TNFSF8: variants seen among roughly 807,000 people sequenced by gnomAD.
TNFSF8 encodes the protein TNF superfamily member 8, also known as tumor necrosis factor ligand superfamily member 8.
Under a neutral mutation model 22.0 loss-of-function variants are expected in TNFSF8, and 4 were observed. The ratio of observed to expected loss-of-function variants is 0.18; its 90% CI spans 0.09 to 0.42. The LOEUF is 0.42. TNFSF8 is among the 10% of genes least tolerant of loss of function. The probability of loss-of-function intolerance (pLI) is 1.00; values close to 1 mark genes in which losing one functional copy is unlikely to be tolerated. For synonymous variants in TNFSF8, 106 were observed against 112.5 expected (o/e 0.94, Z 0.37); for missense variants, 233 against 281.8 (o/e 0.83, Z 1.24).
chr9:114,899,443 G>A (rs1420351395), downstream of TNFSF8, among the ~76,000 whole-genome samples: 1 of 150,040 alleles, frequency 6.7e-6, no homozygotes, highest in Non-Finnish European at 1.5e-5. Flanking sequence ...ACTATACATT[G>A]AGTGACAATC....
At chr9:114,893,916 T>C (rs1446248309) in exon 5 of TNFSF8, 3 of 594,706 alleles carry the variant, frequency 5.0e-6, no homozygotes, top group East Asian at 5.7e-5. Context: ...TTCCAAATCA[T>C]GGACAGGTCT....
At chr9:114,909,335 G>A (rs547580597) in intron 2 of TNFSF8, among the ~76,000 whole-genome samples, 2 of 152,292 alleles carry the variant, frequency 1.3e-5, no homozygotes, top group East Asian at 3.9e-4. Flanking sequence ...TGGGAGCAGA[G>A]GGAGCAAAAA....
At chr9:114,919,071 A>G (rs1019730801) in intron 1 of TNFSF8, among the ~76,000 whole-genome samples, 4 of 150,542 alleles carry the variant, frequency 2.7e-5, no homozygotes, top group Non-Finnish European at 5.9e-5. Context: ...TTGTAAACAT[A>G]CCTGGGAAGG....
intron 2 of TNFSF8, among the ~76,000 whole-genome samples, chr9:114,908,639 A>G (rs539316040): frequency 1.4e-5 from 2 of 138,302 alleles, no homozygotes; most frequent in Admixed American, 1.4e-4. Context: ...GAGAAACCCG[A>G]GGATGGAAAA....
chr9:114,921,459 T>C (rs1189960582), intron 1 of TNFSF8, among the ~76,000 whole-genome samples: 1 of 152,242 alleles, frequency 6.6e-6, no homozygotes, highest in African/African-American at 2.4e-5. Context: ...GGAGAGATGC[T>C]GTTTCCAGAA....
chr9:114,923,759 C>T (rs569569127), intron 1 of TNFSF8, among the ~76,000 whole-genome samples: 7 of 152,228 alleles, frequency 4.6e-5, no homozygotes, highest in Admixed American at 1.3e-4. Flanking sequence ...CTCAAGTGAT[C>T]CACACACCTT....
At chr9:114,925,454 C>G (rs1392898275) in intron 1 of TNFSF8, among the ~76,000 whole-genome samples, 2 of 152,178 alleles carry the variant, frequency 1.3e-5, no homozygotes, top group Admixed American at 6.5e-5. Flanking sequence ...AGGTTGACCA[C>G]TCCTGGACTC....
Position 114,903,929 on chromosome 9 carries a change from G to C in TNFSF8, c.*2C>G, listed in dbSNP as rs1226480604. ...TTCTTCCTGAAGGCCAAGAGAAACT[G>C]TTCAGTCTGAATTACTGTATAAGAA... On this transcript the variant is annotated 3_prime_UTR_variant, in exon 4 of 4. Transcript: ENST00000223795. 6.3e-7 allele frequency: 1 copy of C among 1,583,180 alleles called. No individual in the cohort carries two copies. The highest frequency in any genetic ancestry group is 8.7e-7 in the Non-Finnish European group (1 of 1,155,466).
At position 114,901,681 on chromosome 9, in the gene TNFSF8, G is replaced by A. The variant is rs1194256945; in HGVS notation, c.*2250C>T. The A allele has an allele frequency of 1.1e-5, 11 of 985,230 alleles. No homozygotes were observed. Among genetic ancestry groups the A allele is most frequent in the African/African-American group, 1.7e-5 (1 of 57,204 alleles). The allele number at this position is 985,230 out of a possible 1,614,324, so 61.0% of individuals were successfully genotyped here. On this transcript the variant is annotated 3_prime_UTR_variant, in exon 4 of 4. Transcript: ENST00000223795. ...AGCCTTGAGTCTCAAAGTCTGTTTT[G>A]TTTTTTACCACAGACCATTTGGCTT...
chr9:114,915,436 C>T (rs1456984326), intron 2 of TNFSF8, among the ~76,000 whole-genome samples: 1 of 152,084 alleles, frequency 6.6e-6, no homozygotes, highest in East Asian at 1.9e-4. Context: ...TTTTTTCTAC[C>T]TCACCCTACT....
downstream of TNFSF8, among the ~76,000 whole-genome samples, chr9:114,900,920 T>A (rs771494110): frequency 6.6e-6 from 1 of 152,162 alleles, no homozygotes; most frequent in Non-Finnish European, 1.5e-5. Flanking sequence ...AAGGGGAGGC[T>A]GCAGTGAGCC....
At chr9:114,925,392 A>G (rs1828044894) in intron 1 of TNFSF8, among the ~76,000 whole-genome samples, 1 of 152,124 alleles carries the variant, frequency 6.6e-6, no homozygotes, top group South Asian at 2.1e-4. Flanking sequence ...CCCATGTTCC[A>G]CGGGATGGGC....
At chr9:114,893,750 A>T (rs1827628352) in exon 5 of TNFSF8, 1 of 241,216 alleles carries the variant, frequency 4.1e-6, no homozygotes, top group African/African-American at 2.3e-5. Context: ...ACAGCCTGAG[A>T]GGTGGGAGTG....
At chr9:114,915,080 C>A (rs138687284) in intron 2 of TNFSF8, among the ~76,000 whole-genome samples, 127 of 152,256 alleles carry the variant, frequency 8.3e-4, no homozygotes, top group African/African-American at 2.7e-3. Context: ...TAGTGACAAA[C>A]CACATGCTGC....
chr9:114,909,390 G>C (rs1361232088), intron 2 of TNFSF8, among the ~76,000 whole-genome samples: 1 of 152,314 alleles, frequency 6.6e-6, no homozygotes, highest in South Asian at 2.1e-4. Flanking sequence ...GCATCAGAGT[G>C]GGGGAAGTGA....
rs1376295626 is a variant in TNFSF8, at chr9:114,904,155, C to T, written c.481G>A (p.Glu161Lys). The change falls in exon 4 of 4, where the codon GAG (glutamate) becomes AAG (lysine). Residue 161 changes from glutamate (E) to lysine (K), a missense_variant. Transcript: ENST00000223795. ...TTGATATGCTTGTTGATGAGAAGCT[C>T]CAACTTCAGATCGACAGAATTATTT... Reference protein sequence around the residue: ...CPNNSVDLKLELLINKHIKKQ... With the variant: ...CPNNSVDLKLKLLINKHIKKQ... 1 of 1,613,922 alleles carries T rather than the reference C, an allele frequency of 6.2e-7. No homozygotes were observed. The highest frequency in any genetic ancestry group is 8.5e-7 in the Non-Finnish European group (1 of 1,179,976).
downstream of TNFSF8, among the ~76,000 whole-genome samples, chr9:114,898,206 G>C (rs1827677087): frequency 6.6e-6 from 1 of 152,036 alleles, no homozygotes; most frequent in African/African-American, 2.4e-5. Flanking sequence ...GTTTCACTAT[G>C]TTGGCCAGAC....
At chr9:114,923,515 TTTCTTTC>T (rs546898229) in intron 1 of TNFSF8, among the ~76,000 whole-genome samples, 1,942 of 90,028 alleles carry the variant, frequency 0.022, 81 homozygotes, top group Admixed American at 0.11. Context: ...TCTTTCTTTC[TTTCTTTC>T]TTTTTTTTTT....
chr9:114,923,788 G>A (rs937057561), intron 1 of TNFSF8, among the ~76,000 whole-genome samples: 1 of 151,984 alleles, frequency 6.6e-6, no homozygotes, highest in Non-Finnish European at 1.5e-5. Flanking sequence ...AAAGTGTTGG[G>A]ATTACAGGCA....
Sources: gnomAD v4.1 joint callset for allele counts (sites outside exome capture counted in the v4.1 genomes callset) on GRCh38, gnomAD v4.1.1 for gene constraint, MANE v1.5 for transcripts, NCBI Gene and HGNC (gene_info 2026-07-23, HGNC 2026-07-21) for gene names.